Variants in NRXN3 observed in about 807,000 individuals in gnomAD.
NRXN3 encodes the protein neurexin III.
Under a neutral mutation model 137.6 loss-of-function variants are expected in NRXN3, and 32 were observed. The observed-to-expected ratio is 0.23, with a 90% CI of 0.18 to 0.31. NRXN3 has a LOEUF of 0.31. Among genes scored for constraint, NRXN3 ranks in the 10% least tolerant of loss-of-function variants. NRXN3 has a pLI of 1.00. For missense variants in NRXN3, 1,574 were observed against 2,062.5 expected (o/e 0.76, Z 4.59); for synonymous variants, 798 against 784.5 (o/e 1.02, Z -0.29).
intron 19 of NRXN3, among the ~76,000 whole-genome samples, chr14:79,724,107 A>G (rs2098863725): frequency 6.6e-6 from 1 of 152,160 alleles, no homozygotes; most frequent in Non-Finnish European, 1.5e-5. Context: ...AAGAGCTGAA[A>G]AAAAGTGTGA....
intron 4 of NRXN3, among the ~76,000 whole-genome samples, chr14:78,457,010 C>T (rs896283497): frequency 4.1e-5 from 6 of 147,774 alleles, no homozygotes; most frequent in African/African-American, 1.5e-4. Context: ...TCTCTTCCTC[C>T]TCCTCATCTC....
chr14:78,530,853 GCAAAGTGATA>G (rs1332802503), intron 4 of NRXN3, among the ~76,000 whole-genome samples: 1 of 152,122 alleles, frequency 6.6e-6, no homozygotes, highest in African/African-American at 2.4e-5. Context: ...TCTTTTAGGA[GCAAAGTGATA>G]CATTGTCCCC....
intron 15 of NRXN3, among the ~76,000 whole-genome samples, chr14:79,073,690 A>G (rs1456382974): frequency 4.6e-5 from 7 of 152,170 alleles, no homozygotes; most frequent in Non-Finnish European, 1.0e-4. Context: ...TAAGTCAGAA[A>G]TATATTGAAG....
intron 4 of NRXN3, among the ~76,000 whole-genome samples, chr14:78,456,799 C>CTCTTTCTTTCTTTCTTTCTTTCTTTCTT (rs374674586): frequency 8.2e-5 from 8 of 97,620 alleles, no homozygotes; most frequent in Admixed American, 2.3e-4. Context: ...CTCTCTTTCT[C>CTCTTTCTTTCTTTCTTTCTTTCTTTCTT]TCTTTCTTTC....
At chr14:78,522,922 C>T (rs2096306874) in intron 4 of NRXN3, among the ~76,000 whole-genome samples, 1 of 152,122 alleles carries the variant, frequency 6.6e-6, no homozygotes. Flanking sequence ...TCTTTAAGAC[C>T]CTGAATCCAG....
rs930714371 is a variant in NRXN3 at position 79,076,390 on chromosome 14, A to G, written c.3262+88249A>G. The stretch of plus-strand genomic sequence containing the variant: ...GGTGCCTCTGGCTTAGAGTCCCTCC[A>G]TAAGGCTGCAACCGAGGTGACAGCC... On this transcript the variant is annotated intron_variant, in intron 15 of 20. Transcript: ENST00000335750. Among the ~76,000 whole-genome samples the G allele has an allele frequency of 2.0e-5, 3 of 152,176 alleles. No homozygotes were observed. In the South Asian group the frequency reaches 6.2e-4, roughly 32 times the overall value.
chr14:79,357,988 C>G (rs1331784434), intron 15 of NRXN3, among the ~76,000 whole-genome samples: 2 of 152,144 alleles, frequency 1.3e-5, no homozygotes, highest in African/African-American at 4.8e-5. Flanking sequence ...TAACATCAAG[C>G]AGTGGGCTTT....
At chr14:79,315,338 G>A (rs1186554783) in intron 15 of NRXN3, among the ~76,000 whole-genome samples, 1 of 152,064 alleles carries the variant, frequency 6.6e-6, no homozygotes, top group Non-Finnish European at 1.5e-5. Flanking sequence ...TCTTTCCTGG[G>A]CTGATAGTAT....
Position 78,649,722 on chromosome 14 carries a change from T to G in NRXN3, c.1060-1443T>G, listed in dbSNP as rs925358270. Among the ~76,000 whole-genome samples, 6 of 152,022 alleles carry G rather than the reference T, an allele frequency of 3.9e-5. No homozygotes were observed. The South Asian group carries it at 1.2e-3, about 32-fold the overall frequency. On this transcript the variant is annotated intron_variant, in intron 5 of 20. Coordinates refer to ENST00000335750, the MANE Select transcript of NRXN3 (RefSeq NM_001330195.2). ...CTCCCTCTCACTCTTCCTCTTTTCT[T>G]TTTTTCTCCTTTCCCACTCCTTAGT... is the stretch of plus-strand genomic sequence containing the variant.
chr14:79,431,474 G>A (rs1372729869), intron 15 of NRXN3, among the ~76,000 whole-genome samples: 2 of 152,114 alleles, frequency 1.3e-5, no homozygotes, highest in East Asian at 1.9e-4. Flanking sequence ...CATTTAACCA[G>A]GTGTCATATA....
intron 15 of NRXN3, among the ~76,000 whole-genome samples, chr14:79,406,750 T>G (rs2095322145): frequency 6.6e-6 from 1 of 152,146 alleles, no homozygotes; most frequent in African/African-American, 2.4e-5. Flanking sequence ...TTAGTAGTTT[T>G]GATGAGGTAA....
At chr14:78,332,925 C>G (rs1392746927) in intron 4 of NRXN3, among the ~76,000 whole-genome samples, 1 of 151,944 alleles carries the variant, frequency 6.6e-6, no homozygotes, top group African/African-American at 2.4e-5. Context: ...GCCAGCCTGC[C>G]TATAAAATGG....
rs74064317 is a variant in NRXN3, at chr14:78,598,885, A to T, written c.758-46235A>T. 7.2e-3 allele frequency among the ~76,000 whole-genome samples: 1,090 copies of T among 152,228 alleles called. 13 individuals carry two copies. Among genetic ancestry groups the T allele is most frequent in the African/African-American group, 0.025 (1,033 of 41,532 alleles). ...AACTGGAAGGTGGGTCTAGGTGGAG[A>T]TTATTTCAAGAAGGTTAGAACTCTG... is the stretch of plus-strand genomic sequence containing the variant. On this transcript the variant is annotated intron_variant, in intron 4 of 20. Coordinates refer to ENST00000335750, the MANE Select transcript of NRXN3 (RefSeq NM_001330195.2).
chr14:78,476,888 A>C (rs1192551130), intron 4 of NRXN3, among the ~76,000 whole-genome samples: 1 of 152,232 alleles, frequency 6.6e-6, no homozygotes, highest in African/African-American at 2.4e-5. Flanking sequence ...ATAACACCTT[A>C]GATGAAATGT....
intron 16 of NRXN3, among the ~76,000 whole-genome samples, chr14:79,625,948 A>G (rs1321444980): frequency 6.6e-6 from 1 of 152,208 alleles, no homozygotes; most frequent in African/African-American, 2.4e-5. Flanking sequence ...GGACCGGTGT[A>G]AGGATTAAAT....
intron 8 of NRXN3, among the ~76,000 whole-genome samples, chr14:78,748,062 G>A (rs35856783): frequency 0.27 from 40,870 of 152,018 alleles, 6,019 homozygotes; most frequent in African/African-American, 0.37. Context: ...TATGTATCTC[G>A]TCTTTCCCTC....
chr14:79,634,073 A>G (rs1356225946), intron 16 of NRXN3, among the ~76,000 whole-genome samples: 1 of 152,194 alleles, frequency 6.6e-6, no homozygotes, highest in East Asian at 1.9e-4. Context: ...GTGTTACTCC[A>G]GTGAGACAAA....
intron 15 of NRXN3, among the ~76,000 whole-genome samples, chr14:79,002,821 T>G (rs994174735): frequency 1.3e-5 from 2 of 152,184 alleles, no homozygotes; most frequent in African/African-American, 4.8e-5. Context: ...TTACACAATT[T>G]ACATTCCCAC....
chr14:79,706,005 C>T (rs557938784), intron 19 of NRXN3, among the ~76,000 whole-genome samples: 122 of 145,670 alleles, frequency 8.4e-4, no homozygotes, highest in African/African-American at 2.8e-3. Context: ...TCCACCAGTA[C>T]CTTCTCAGGG....
Sources: gnomAD v4.1 joint callset for allele counts (sites outside exome capture counted in the v4.1 genomes callset) on GRCh38, gnomAD v4.1.1 for gene constraint, MANE v1.5 for transcripts, NCBI Gene and HGNC (gene_info 2026-07-23, HGNC 2026-07-21) for gene names.